SLC9A5: variants seen among roughly 807,000 people sequenced by gnomAD.
SLC9A5 encodes sodium/hydrogen exchanger 5.
In SLC9A5, 52 loss-of-function variants were observed where a neutral mutation model predicts 91.7. That is an observed-to-expected ratio of 0.57 (90% confidence interval 0.45 to 0.71). The LOEUF (loss-of-function observed/expected upper bound fraction) is 0.71, where lower values mean the gene tolerates loss of function less well. Among genes scored for constraint, SLC9A5 ranks in the 30% least tolerant of loss-of-function variants. The probability of loss-of-function intolerance (pLI) is 0.00; values close to 1 mark genes in which losing one functional copy is unlikely to be tolerated. For missense variants in SLC9A5, 871 were observed against 1,158.9 expected (o/e 0.75, Z 3.61); for synonymous variants, 419 against 474.5 (o/e 0.88, Z 1.52).
At chr16:67,259,436 T>C (rs2035445184) in intron 10 of SLC9A5, 137 bp from the exon 11 acceptor site, 2 of 622,888 alleles carry the variant, frequency 3.2e-6, no homozygotes, top group Non-Finnish European at 5.8e-6. Flanking sequence ...GAATTCGATA[T>C]GTAAAGTGCC....
In SLC9A5 at chr16:67,255,965, G is replaced by A. The variant is rs1311374920; in HGVS notation, c.911+35G>A. On this transcript the variant is annotated intron_variant, in intron 5 of 15. Transcript: ENST00000299798. This position sits in a 1 kb window ranked among gnomAD's most constrained non-coding sequence, Gnocchi z 4.9. ...GGGGGCCTTGCAGGCAGATAGCTGG[G>A]AGGGGGCACTGGAGATGGTTGCCCC... 5 of 1,602,384 alleles carry A rather than the reference G, an allele frequency of 3.1e-6. No individual in the cohort carries two copies. Among genetic ancestry groups the A allele is most frequent in the Non-Finnish European group, 4.3e-6 (5 of 1,173,754 alleles).
chr16:67,260,354 C>CAAAAAAAAAAAAAAAAAAAAAAAAAA lies in SLC9A5; in HGVS notation c.1842+431_1842+432insAAAAAAAAAAAAAAAAAAAAAAAAAA, dbSNP rs397932908. Among the ~76,000 whole-genome samples, 11 of 33,442 alleles carry CAAAAAAAAAAAAAAAAAAAAAAAAAA rather than the reference C, an allele frequency of 3.3e-4. 1 individual carries two copies. The highest frequency in any genetic ancestry group is 3.9e-4 in the African/African-American group (2 of 5,166). The allele number at this position is 33,442 out of a possible 152,430, so 21.9% of individuals were successfully genotyped here. A position where few individuals can be genotyped will look rare whatever the true frequency, so the allele number is the denominator to read the frequency against. ...TGGGTAACAGAGCAAGACTCCATCT[C>CAAAAAAAAAAAAAAAAAAAAAAAAAA]AAAAAAAAAAAAAAAAAAAAAAAGA... On this transcript the variant is annotated intron_variant, in intron 12 of 15. Transcript: ENST00000299798.
rs1004904229 is a variant in SLC9A5 at position 67,264,436 on chromosome 16, C to T, written c.1927C>T (p.Arg643Trp). 8.7e-6 allele frequency: 14 copies of T among 1,613,974 alleles called. No individual in the cohort carries two copies. Among genetic ancestry groups the T allele is most frequent in the East Asian group, 4.5e-5 (2 of 44,892 alleles). ...GGAGGTCTTCCAGCAGAACATGAAG[C>T]GGCGGCTGGAGTCCTTTAAGTCCAC... ...DKEVFQQNMK[R>W]RLESFKSTKH... Residue 643 changes from arginine (R) to tryptophan (W), a missense_variant, in exon 13 of 16, where the codon CGG becomes TGG. This residue lies in a region of SLC9A5 where 454 missense variants were observed against 718.3 expected (regional missense o/e 0.63). Transcript: ENST00000299798.
In SLC9A5 at chr16:67,258,992, G is replaced by T. The variant is rs2035420092; in HGVS notation, c.1626+545G>T. ...ATCTGGGAAGCGGGCTGGGCACGGTGGCTCACACCTGTAATCCCAGCACTT... is the reference window on the plus strand; with the variant it reads ...ATCTGGGAAGCGGGCTGGGCACGGTTGCTCACACCTGTAATCCCAGCACTT... On this transcript the variant is annotated intron_variant, in intron 10 of 15. Transcript: ENST00000299798. This position sits in a 1 kb window ranked among gnomAD's most constrained non-coding sequence, Gnocchi z 4.5. Among the ~76,000 whole-genome samples, 1 of 151,824 alleles carries T rather than the reference G, an allele frequency of 6.6e-6. No homozygotes were observed. The highest frequency in any genetic ancestry group is 6.6e-5 in the Admixed American group (1 of 15,232).
intron 15 of SLC9A5, among the ~76,000 whole-genome samples, chr16:67,268,666 A>G (rs1266026703): frequency 3.6e-5 from 1 of 27,942 alleles, no homozygotes; most frequent in South Asian, 1.5e-3. Context: ...GATTATATAT[A>G]TATATATATA....
chr16:67,270,908 T>A lies in SLC9A5; in HGVS notation c.2389T>A (p.Ser797Thr). Residue 797 changes from serine to threonine, a missense_variant, in exon 16 of 16, where the codon TCC (serine) becomes ACC (threonine). Physicochemically the swap from Ser to Thr is moderately conservative, Grantham distance 58. Coordinates refer to ENST00000299798, the MANE Select transcript of SLC9A5 (RefSeq NM_004594.3). The surrounding 1 kb of genome is among the most constrained non-coding windows in gnomAD (Gnocchi z 4.3). The part of the protein sequence containing the change: ...MQTGWNQSIS[S>T]LESLASPPCN... ...GACGGGTTGGAACCAGAGCATCTCA[T>A]CCCTGGAGAGCCTAGCGTCCCCTCC... is the stretch of plus-strand genomic sequence containing the variant. 1 of 1,614,038 alleles carries A rather than the reference T, an allele frequency of 6.2e-7. No homozygotes were observed. Among genetic ancestry groups the A allele is most frequent in the Non-Finnish European group, 8.5e-7 (1 of 1,180,000 alleles).
chr16:67,255,840 G>A lies in SLC9A5; in HGVS notation c.821G>A (p.Arg274Gln), dbSNP rs925011400. The A allele has an allele frequency of 4.3e-6, 7 of 1,612,220 alleles. No homozygotes were observed. The African/African-American group carries it at 5.3e-5, about 12-fold the overall frequency. Reference sequence around the variant, plus strand: ...GCCCTGACCACACGCTTCACCAAGCGGGTCCGCATCATCGAGCCGCTGCTG... The same window carrying A: ...GCCCTGACCACACGCTTCACCAAGCAGGTCCGCATCATCGAGCCGCTGCTG... Reference protein sequence around the residue: ...LLALTTRFTKRVRIIEPLLVF... With the variant: ...LLALTTRFTKQVRIIEPLLVF... Residue 274 changes from arginine (R) to glutamine (Q), a missense_variant, in exon 5 of 16, where the codon CGG becomes CAG. This residue lies in a region of SLC9A5 where 454 missense variants were observed against 718.3 expected (regional missense o/e 0.63). Coordinates refer to ENST00000299798, the MANE Select transcript of SLC9A5 (RefSeq NM_004594.3). The surrounding 1 kb of genome is among the most constrained non-coding windows in gnomAD (Gnocchi z 4.9).
At chr16:67,264,627 C>T (rs1405474752) in intron 13 of SLC9A5, 105 bp downstream of exon 13, 1 of 1,173,266 alleles carries the variant, frequency 8.5e-7, no homozygotes, top group Non-Finnish European at 1.3e-6. Flanking sequence ...CCAGTTGGGA[C>T]AGTCCTCAGG....
chr16:67,259,889 T>G lies in SLC9A5; in HGVS notation c.1785T>G (p.Arg595=), dbSNP rs1461710524. The change falls in exon 12 of 16, where the codon CGT becomes CGG. Residue 595 remains arginine (R), a synonymous_variant. Coordinates refer to ENST00000299798, the MANE Select transcript of SLC9A5 (RefSeq NM_004594.3). ...VIDTVRSGRD[R]EDAVMHHLLC... ...ACACAGTACGCAGCGGCCGGGATCGTGAGGATGCTGTGATGCATCATCTGC... is the reference window on the plus strand; with the variant it reads ...ACACAGTACGCAGCGGCCGGGATCGGGAGGATGCTGTGATGCATCATCTGC... 6.2e-7 allele frequency: 1 copy of G among 1,613,934 alleles called. No individual in the cohort carries two copies. Among genetic ancestry groups the G allele is most frequent in the Non-Finnish European group, 8.5e-7 (1 of 1,180,014 alleles).
In SLC9A5 at chr16:67,258,395, G is replaced by T. The variant is rs752639977; in HGVS notation, c.1574G>T (p.Trp525Leu). ...GCCTACCGCATCCGGGACCAGATCTGGGATGTGTACTACAGGCTTAACATC... is the reference window on the plus strand; with the variant it reads ...GCCTACCGCATCCGGGACCAGATCTTGGATGTGTACTACAGGCTTAACATC... ...RSAYRIRDQI[W>L]DVYYRLNIRD... Residue 525 changes from tryptophan to leucine, a missense_variant, in exon 10 of 16, where the codon TGG becomes TTG. Around this residue, in one of 3 missense-constraint regions of SLC9A5, gnomAD observed 454 missense variants for 718.3 expected, o/e 0.63. Coordinates refer to ENST00000299798, the MANE Select transcript of SLC9A5 (RefSeq NM_004594.3). The surrounding 1 kb of genome is among the most constrained non-coding windows in gnomAD (Gnocchi z 4.5). The T allele has an allele frequency of 6.2e-7, 1 of 1,614,190 alleles. No individual in the cohort carries two copies. The highest frequency in any genetic ancestry group is 1.1e-5 in the South Asian group (1 of 91,092).
intron 13 of SLC9A5, 65 bp from the exon 14 acceptor site, chr16:67,264,975 C>A (rs970670534): frequency 9.2e-6 from 14 of 1,516,790 alleles, no homozygotes; most frequent in Admixed American, 1.7e-5. Context: ...GTTGACCCCA[C>A]CAGATGACAG....
chr16:67,265,916 C>T (rs1312065812), intron 14 of SLC9A5, among the ~76,000 whole-genome samples, 172 bp from the exon 15 acceptor site: 2 of 152,184 alleles, frequency 1.3e-5, no homozygotes, highest in African/African-American at 2.4e-5. Context: ...CAGTTCTCTT[C>T]CTCCCAAGTC....
rs2035702532 is a variant in SLC9A5 at position 67,266,308 on chromosome 16, C to T, written c.2218+83C>T. The stretch of plus-strand genomic sequence containing the variant: ...CACTCATGGCCTCTACTCCAGACAA[C>T]TCCCTTTTCCTATTCACTAGTTTAT... On this transcript the variant is annotated intron_variant, in intron 15 of 15. Coordinates refer to ENST00000299798, the MANE Select transcript of SLC9A5 (RefSeq NM_004594.3). The T allele has an allele frequency of 3.8e-6, 5 of 1,330,736 alleles. 1 individual carries two copies. In the African/African-American group the frequency reaches 4.5e-5, roughly 12 times the overall value. 82.4% of individuals were successfully genotyped at this position (1,330,736 alleles called of 1,614,324 possible).
At chr16:67,263,561 G>T (rs2035601363) in intron 12 of SLC9A5, 1 of 152,410 alleles carries the variant, frequency 6.6e-6, no homozygotes, top group South Asian at 2.1e-4. Context: ...AAGGCAGGCA[G>T]ATCACTTGAG....
intron 14 of SLC9A5, 145 bp downstream of exon 14, chr16:67,265,251 T>G (rs948665108): frequency 2.8e-6 from 2 of 708,066 alleles, no homozygotes; most frequent in African/African-American, 1.8e-5. Context: ...GATTTCCAAG[T>G]TGGAAATGTT....
At chr16:67,268,674 AT>A (rs1398090485) in intron 15 of SLC9A5, among the ~76,000 whole-genome samples, 6 of 58,636 alleles carry the variant, frequency 1.0e-4, no homozygotes, top group African/African-American at 3.0e-4. Flanking sequence ...ATATATATAT[AT>A]ATATATATAT....
chr16:67,249,353 C>A, intron 1 of SLC9A5, 152 bp downstream of exon 1: 1 of 580,738 alleles, frequency 1.7e-6, no homozygotes, highest in Non-Finnish European at 2.6e-6. Flanking sequence ...CGCCCAGTTC[C>A]TGCATCGCTT....
chr16:67,265,082 C>T lies in SLC9A5; in HGVS notation c.2056C>T (p.Arg686Ter), dbSNP rs756005398. The change falls in exon 14 of 16, where the codon CGA (arginine) becomes TGA (stop). Residue 686 changes from arginine (R) to a stop codon, truncating the protein, a stop_gained. Transcript: ENST00000299798. LOFTEE classifies it high-confidence loss of function. ...TGCTGAGGCTACAAATGGGAAACATCGAGGCCTGGGCTTTCAGGACACAGG... is the reference window on the plus strand; with the variant it reads ...TGCTGAGGCTACAAATGGGAAACATTGAGGCCTGGGCTTTCAGGACACAGG... ...ANAEATNGKH[R>*]GLGFQDTAAV... is the part of the protein sequence containing the mutation. 11 of 1,613,860 alleles carry T rather than the reference C, an allele frequency of 6.8e-6. No individual in the cohort carries two copies. The highest frequency in any genetic ancestry group is 9.3e-6 in the Non-Finnish European group (11 of 1,180,002).
rs757062769 is a variant in SLC9A5, at chr16:67,257,337, G to C, written c.1336-8G>C. 1.9e-6 allele frequency: 3 copies of C among 1,612,810 alleles called. No homozygotes were observed. The East Asian group carries it at 6.7e-5, about 36-fold the overall frequency. On this transcript the variant is annotated splice_region_variant and splice_polypyrimidine_tract_variant and intron_variant, in intron 7 of 15. Coordinates refer to ENST00000299798, the MANE Select transcript of SLC9A5 (RefSeq NM_004594.3). The surrounding 1 kb of genome is among the most constrained non-coding windows in gnomAD (Gnocchi z 5.1). ...ATAGGGCAGGGCTCACCTCCTGCCT[G>C]TCCATAGGGCTTGACCATCAAGCCA...
Sources: gnomAD v4.1 joint callset for allele counts (sites outside exome capture counted in the v4.1 genomes callset) on GRCh38, gnomAD v4.1.1 for gene constraint, gnomAD v4.1.1 regional missense constraint, Gnocchi (gnomAD v3.1) non-coding constraint, MANE v1.5 for transcripts, NCBI Gene and HGNC (gene_info 2026-07-23, HGNC 2026-07-21) for gene names.